DCHS1: variants seen among roughly 807,000 people sequenced by gnomAD.
The protein encoded by DCHS1 is protocadherin-16.
Under a neutral mutation model 213.9 loss-of-function variants are expected in DCHS1, and 78 were observed. The ratio of observed to expected loss-of-function variants is 0.36; its 90% CI spans 0.30 to 0.44. The LOEUF is 0.44. Among genes scored for constraint, DCHS1 ranks in the 20% least tolerant of loss-of-function variants. The pLI, the probability that DCHS1 is intolerant of heterozygous loss-of-function variation, is 1.00. For missense variants in DCHS1, 3,946 were observed against 4,395.9 expected (o/e 0.90, Z 2.89); for synonymous variants, 1,828 against 1,873.7 (o/e 0.98, Z 0.63).
At chr11:6,631,268 G>A (rs751503643) in intron 8 of DCHS1, 43 bp downstream of exon 8, 21 of 1,613,728 alleles carry the variant, frequency 1.3e-5, no homozygotes, top group Non-Finnish European at 1.5e-5. Context: ...AGGCCATGAG[G>A]GCATGCCATC....
At chr11:6,651,075 T>C (rs1008207600) in intron 1 of DCHS1, among the ~76,000 whole-genome samples, 9 of 152,234 alleles carry the variant, frequency 5.9e-5, no homozygotes, top group Non-Finnish European at 1.2e-4. Context: ...GCCAAGCACC[T>C]GTGTGGGACC....
intron 1 of DCHS1, among the ~76,000 whole-genome samples, chr11:6,643,309 C>T (rs186983443): frequency 1.4e-3 from 215 of 152,176 alleles, no homozygotes; most frequent in Admixed American, 2.4e-3. Flanking sequence ...AAGATTTTTT[C>T]ATTTCCCCCA....
Position 6,625,243 on chromosome 11 carries a change from C to T in DCHS1, c.7101G>A (p.Glu2367=), listed in dbSNP as rs1855774571. The change falls in exon 19 of 21, where the codon GAG becomes GAA. Residue 2367 remains glutamate, a synonymous_variant. Transcript: ENST00000299441. The surrounding 1 kb of genome is among the most constrained non-coding windows in gnomAD (Gnocchi z 5.3). ...EGRANLTVLV[E]DVNDNAPAFS... ...AGGCAGGTGCATTGTCATTGACATC[C>T]TCCACAAGCACTGTGAGGTTGGCAC... 6.2e-7 allele frequency: 1 copy of T among 1,610,172 alleles called. No individual in the cohort carries two copies. Among genetic ancestry groups the T allele is most frequent in the Non-Finnish European group, 8.5e-7 (1 of 1,177,982 alleles).
In DCHS1 at chr11:6,621,633, TG is replaced by T; in HGVS notation, c.*145del. 3 of 900,584 alleles carry T rather than the reference TG, an allele frequency of 3.3e-6. No individual in the cohort carries two copies. The highest frequency in any genetic ancestry group is 5.3e-6 in the Non-Finnish European group (3 of 567,044). The allele number at this position is 900,584 out of a possible 1,614,324, so 55.8% of individuals were successfully genotyped here. ...TGTGGTCCTAGTACTCTGAGGGGGC[TG>T]GGGAGTTCAGGGTGGAGAGCTGGGG... On this transcript the variant is annotated 3_prime_UTR_variant, in exon 21 of 21. Transcript: ENST00000299441.
intron 1 of DCHS1, among the ~76,000 whole-genome samples, chr11:6,653,460 T>G (rs1331865879): frequency 6.6e-6 from 1 of 152,252 alleles, no homozygotes; most frequent in African/African-American, 2.4e-5. Flanking sequence ...CTGCCAACTC[T>G]CATCACAATG....
intron 1 of DCHS1, among the ~76,000 whole-genome samples, chr11:6,646,385 T>C (rs1206763062): frequency 6.6e-6 from 1 of 151,992 alleles, no homozygotes; most frequent in East Asian, 1.9e-4. Flanking sequence ...CTCCAGACTC[T>C]CTCCCGAGAC....
chr11:6,625,662 A>G lies in DCHS1; in HGVS notation c.6797T>C (p.Met2266Thr). The change falls in exon 18 of 21, where the codon ATG becomes ACG. Residue 2266 changes from methionine (M) to threonine (T), a missense_variant. This residue lies in a region of DCHS1 where 3,384 missense variants were observed against 3,780.1 expected (regional missense o/e 0.90). Coordinates refer to ENST00000299441, the MANE Select transcript of DCHS1 (RefSeq NM_003737.4). The surrounding 1 kb of genome is among the most constrained non-coding windows in gnomAD (Gnocchi z 5.3). ...ALVGSATLTVMVIDTNDNRPT... is the reference protein window; with the variant it reads ...ALVGSATLTVTVIDTNDNRPT... ...GCGATTGTCATTGGTGTCGATGACC[A>G]TCACCGTCAAGGTAGCTGAGCCCAC... is the stretch of plus-strand genomic sequence containing the variant. 8 of 1,613,442 alleles carry G rather than the reference A, an allele frequency of 5.0e-6. No homozygotes were observed. Among genetic ancestry groups the G allele is most frequent in the Non-Finnish European group, 6.8e-6 (8 of 1,179,804 alleles).
intron 2 of DCHS1, among the ~76,000 whole-genome samples, chr11:6,638,177 G>A (rs1481455721): frequency 6.6e-6 from 1 of 152,178 alleles, no homozygotes; most frequent in African/African-American, 2.4e-5. Flanking sequence ...GGTCAGCCAG[G>A]CCCAGAGCTA....
At chr11:6,654,730 T>C (rs374895233) in intron 1 of DCHS1, among the ~76,000 whole-genome samples, 15 of 152,180 alleles carry the variant, frequency 9.9e-5, no homozygotes, top group African/African-American at 3.4e-4. Context: ...GTGGGTTGAG[T>C]AGGGCTATGA....
chr11:6,655,795 G>C lies in DCHS1; in HGVS notation c.-353C>G. The C allele has an allele frequency of 1.0e-6, 1 of 957,676 alleles. No homozygotes were observed. The highest frequency in any genetic ancestry group is 4.8e-5 in the South Asian group (1 of 21,006). 59.3% of individuals were successfully genotyped at this position (957,676 alleles called of 1,614,324 possible). On this transcript the variant is annotated 5_prime_UTR_variant, in exon 1 of 21. It adds an upstream start codon to the 5' untranslated region. Coordinates refer to ENST00000299441, the MANE Select transcript of DCHS1 (RefSeq NM_003737.4). Reference sequence around the variant, plus strand: ...CCTCCTGCACAGCCGCCCCGCCGAGGATGCGAGCTCCGCTGCCGCGGCCCC... The same window carrying C: ...CCTCCTGCACAGCCGCCCCGCCGAGCATGCGAGCTCCGCTGCCGCGGCCCC...
rs1418159780 is a variant in DCHS1 at position 6,632,974 on chromosome 11, C to G, written c.2538G>C (p.Leu846Phe). ...LFSLDAVSGL[L>F]QTLRPLDREL... The stretch of plus-strand genomic sequence containing the variant: ...CCCGGTCCAGAGGGCGAAGTGTTTG[C>G]AACAGTCCTGATACCGCATCTAGGG... Residue 846 changes from leucine to phenylalanine, a missense_variant, in exon 6 of 21, where the codon TTG becomes TTC. Physicochemically the swap from Leu to Phe is conservative, Grantham distance 22 (BLOSUM62 0). This residue lies in a region of DCHS1 where 3,384 missense variants were observed against 3,780.1 expected (regional missense o/e 0.90). Coordinates refer to ENST00000299441, the MANE Select transcript of DCHS1 (RefSeq NM_003737.4). The surrounding 1 kb of genome is among the most constrained non-coding windows in gnomAD (Gnocchi z 5.9). 3 of 1,614,018 alleles carry G rather than the reference C, an allele frequency of 1.9e-6. No homozygotes were observed. The East Asian group carries it at 6.7e-5, about 36-fold the overall frequency.
At position 6,622,862 on chromosome 11, in the gene DCHS1, T is replaced by A. The variant is rs756907119; in HGVS notation, c.8814A>T (p.Val2938=). 1.9e-6 allele frequency: 3 copies of A among 1,596,470 alleles called. No homozygotes were observed. In the African/African-American group the frequency reaches 4.0e-5, roughly 21 times the overall value. Residue 2938 remains valine, a synonymous_variant, in exon 21 of 21, where the codon GTA becomes GTT. Coordinates refer to ENST00000299441, the MANE Select transcript of DCHS1 (RefSeq NM_003737.4). This position sits in a 1 kb window ranked among gnomAD's most constrained non-coding sequence, Gnocchi z 5.4. Reference sequence around the variant, plus strand: ...CTCCCAAGGAGGCTGCCACGGCCCCTACTAATAGCAGGTTGAGGTCAGGTG... The same window carrying A: ...CTCCCAAGGAGGCTGCCACGGCCCCAACTAATAGCAGGTTGAGGTCAGGTG... The part of the protein sequence containing the change: ...GLAPDLNLLL[V]GAVAASLGVV...
chr11:6,633,998 T>C lies in DCHS1; in HGVS notation c.2009A>G (p.Tyr670Cys). 1 of 1,613,968 alleles carries C rather than the reference T, an allele frequency of 6.2e-7. No homozygotes were observed. Among genetic ancestry groups the C allele is most frequent in the Non-Finnish European group, 8.5e-7 (1 of 1,179,880 alleles). Residue 670 changes from tyrosine (Y) to cysteine (C), a missense_variant, in exon 4 of 21, where the codon TAT becomes TGT. By Grantham distance (194) the Tyr-to-Cys change is radical. Around this residue, in one of 3 missense-constraint regions of DCHS1, gnomAD observed 3,384 missense variants for 3,780.1 expected, o/e 0.90. Transcript: ENST00000299441. ...VDGGGLKSMV[Y>C]VKVFLSDEND... is the part of the protein sequence containing the mutation. The stretch of plus-strand genomic sequence containing the variant: ...CTCGTCTGACAGAAACACCTTCACA[T>C]ATACCATGGACTTGAGGCCTCCCTG...
chr11:6,629,671 C>G lies in DCHS1; in HGVS notation c.5035+1G>C. ...TCATAATTCACCCCCCCAGGTCTTA[C>G]CCACGTCGGGGTCGGTTGCTCGCAG... On this transcript the variant is annotated splice_donor_variant, in intron 11 of 20. Transcript: ENST00000299441. LOFTEE classifies it high-confidence loss of function. 6.2e-7 allele frequency: 1 copy of G among 1,613,254 alleles called. No homozygotes were observed. The highest frequency in any genetic ancestry group is 1.1e-5 in the South Asian group (1 of 90,948).
chr11:6,641,545 T>C lies in DCHS1; in HGVS notation c.69A>G (p.Leu23=), dbSNP rs759468654. The stretch of plus-strand genomic sequence containing the variant: ...GCAGCAGCAGCAGCAGCAGCAATGG[T>C]AGCAGGAGGTGGGGCCTGGGGCTCT... The part of the protein sequence containing the change: ...GMKSPRPHLL[L]PLLLLLLLLL... Residue 23 remains leucine, a synonymous_variant, in exon 2 of 21, where the codon CTA becomes CTG. Coordinates refer to ENST00000299441, the MANE Select transcript of DCHS1 (RefSeq NM_003737.4). The surrounding 1 kb of genome is among the most constrained non-coding windows in gnomAD (Gnocchi z 7.1). 9 of 1,551,880 alleles carry C rather than the reference T, an allele frequency of 5.8e-6. No individual in the cohort carries two copies. The highest frequency in any genetic ancestry group is 7.8e-6 in the Non-Finnish European group (9 of 1,147,840).
In DCHS1 at chr11:6,621,477, A is replaced by C; in HGVS notation, c.*302T>G. 3 of 498,428 alleles carry C rather than the reference A, an allele frequency of 6.0e-6. No homozygotes were observed. The highest frequency in any genetic ancestry group is 1.1e-5 in the Non-Finnish European group (3 of 267,522). 30.9% of individuals were successfully genotyped at this position (498,428 alleles called of 1,614,324 possible). ...TCCATCCCCCTACCCCCAATAAATA[A>C]AGTCTCAGCTCCATCTCAGGGTGCT... On this transcript the variant is annotated 3_prime_UTR_variant, in exon 21 of 21. Coordinates refer to ENST00000299441, the MANE Select transcript of DCHS1 (RefSeq NM_003737.4).
Position 6,629,563 on chromosome 11 carries a change from C to T in DCHS1, c.5050G>A (p.Val1684Met). ...TCGCTAGAGACGCCTCCATAAGTCA[C>T]TTGCCCGTTGGCCCCTGAGGAGGGG... Reference protein sequence around the residue: ...TDPDVGANGQVTYGGVSSESF... With the variant: ...TDPDVGANGQMTYGGVSSESF... The change falls in exon 12 of 21, where the codon GTG becomes ATG. Residue 1684 changes from valine to methionine, a missense_variant. Transcript: ENST00000299441. 2 of 1,613,708 alleles carry T rather than the reference C, an allele frequency of 1.2e-6. No homozygotes were observed. The highest frequency in any genetic ancestry group is 1.7e-6 in the Non-Finnish European group (2 of 1,179,758).
chr11:6,632,588 G>A lies in DCHS1; in HGVS notation c.2924C>T (p.Ser975Phe), dbSNP rs1263387449. 6.6e-7 allele frequency: 1 copy of A among 1,515,486 alleles called. No individual in the cohort carries two copies. The highest frequency in any genetic ancestry group is 8.9e-7 in the Non-Finnish European group (1 of 1,128,286). 93.9% of individuals were successfully genotyped at this position (1,515,486 alleles called of 1,614,324 possible). A position where few individuals can be genotyped will look rare whatever the true frequency, so the allele number is the denominator to read the frequency against. Residue 975 changes from serine to phenylalanine, a missense_variant, in exon 6 of 21, where the codon TCC becomes TTC. Coordinates refer to ENST00000299441, the MANE Select transcript of DCHS1 (RefSeq NM_003737.4). The surrounding 1 kb of genome is among the most constrained non-coding windows in gnomAD (Gnocchi z 5.9). ...TCGAAAGTGGCTGGTGCGTGGTGGG[G>A]AGCCCCCATCCCGGGCCTCCAGCTC... ...ELELEARDGG[S>F]PPRTSHFRLR...
chr11:6,628,405 A>G lies in DCHS1; in HGVS notation c.5371+216T>C, dbSNP rs1211533351. Among the ~76,000 whole-genome samples the G allele has an allele frequency of 1.3e-5, 2 of 152,238 alleles. No homozygotes were observed. Among genetic ancestry groups the G allele is most frequent in the Admixed American group, 6.5e-5 (1 of 15,276 alleles). ...CTACAGGGAGAGACAAATGAGAAAG[A>G]AAAGAAATAGGAAGATAGAAACAGA... is the stretch of plus-strand genomic sequence containing the variant. On this transcript the variant is annotated intron_variant, in intron 13 of 20. Transcript: ENST00000299441. The surrounding 1 kb of genome is among the most constrained non-coding windows in gnomAD (Gnocchi z 4.3).
Sources: allele counts gnomAD v4.1 joint callset (sites outside exome capture counted in the v4.1 genomes callset), GRCh38; gene constraint gnomAD v4.1.1; regional missense constraint gnomAD v4.1.1; non-coding constraint Gnocchi (gnomAD v3.1); transcripts MANE v1.5; gene names NCBI Gene and HGNC (gene_info 2026-07-23, HGNC 2026-07-21).